GRM8: variants seen among roughly 807,000 people sequenced by gnomAD.
GRM8 encodes the protein glutamate metabotropic receptor 8, also known as metabotropic glutamate receptor 8.
GRM8 carries 47 observed loss-of-function variants against 87.2 expected under a neutral mutation model. That is an observed-to-expected ratio of 0.54 (90% CI 0.43 to 0.69). The LOEUF is 0.69. Ranked by LOEUF, GRM8 falls within the 30% of genes least tolerant of loss-of-function variation. GRM8 has a pLI of 0.00. For missense variants in GRM8, 1,019 were observed against 1,139.2 expected (o/e 0.89, Z 1.52); for synonymous variants, 396 against 404.5 (o/e 0.98, Z 0.25).
intron 1 of GRM8, among the ~76,000 whole-genome samples, chr7:127,243,723 G>A (rs1276595383): frequency 6.6e-6 from 1 of 152,144 alleles, no homozygotes; most frequent in African/African-American, 2.4e-5. Context: ...AAACAGAACA[G>A]TATCAGGAAG....
intron 3 of GRM8, among the ~76,000 whole-genome samples, chr7:127,052,541 T>C (rs2132504519): frequency 6.6e-6 from 1 of 152,362 alleles, no homozygotes; most frequent in South Asian, 2.1e-4. Flanking sequence ...AGACAAGCAG[T>C]GTAGGATTTA....
intron 2 of GRM8, among the ~76,000 whole-genome samples, chr7:127,155,213 C>T (rs1050490497): frequency 2.0e-5 from 3 of 152,164 alleles, no homozygotes; most frequent in Admixed American, 6.5e-5. Flanking sequence ...CCCACACTTA[C>T]TCACGAAGTG....
At chr7:126,601,738 A>C (rs1797795568) in intron 8 of GRM8, among the ~76,000 whole-genome samples, 3 of 147,832 alleles carry the variant, frequency 2.0e-5, no homozygotes, top group Admixed American at 1.4e-4. Flanking sequence ...TTCTTTTGAG[A>C]AGTGTCTGTT....
intron 7 of GRM8, among the ~76,000 whole-genome samples, chr7:126,727,331 T>C (rs1351545069): frequency 6.6e-6 from 1 of 152,048 alleles, no homozygotes; most frequent in Non-Finnish European, 1.5e-5. Context: ...GAAATCTGTA[T>C]ATATTTAGAA....
At chr7:127,147,185 G>T (rs1174897183) in intron 2 of GRM8, among the ~76,000 whole-genome samples, 4 of 151,990 alleles carry the variant, frequency 2.6e-5, no homozygotes, top group Admixed American at 2.6e-4. Context: ...TCCAATGAAT[G>T]AAAGTTGGGC....
intron 3 of GRM8, among the ~76,000 whole-genome samples, chr7:126,964,953 T>C (rs1320799850): frequency 1.3e-5 from 2 of 152,178 alleles, no homozygotes; most frequent in Non-Finnish European, 1.5e-5. Flanking sequence ...ATGTGGCACA[T>C]ATACACCATG....
chr7:126,912,046 A>C (rs1368373551), intron 3 of GRM8, among the ~76,000 whole-genome samples: 2 of 152,020 alleles, frequency 1.3e-5, no homozygotes, highest in African/African-American at 4.8e-5. Context: ...TACAAAAAAA[A>C]ATTAGCTGGG....
chr7:126,514,714 A>G (rs1010684558), intron 9 of GRM8, among the ~76,000 whole-genome samples: 5 of 152,030 alleles, frequency 3.3e-5, no homozygotes, highest in Admixed American at 2.6e-4. Flanking sequence ...AGAGATGAAT[A>G]AGAATATATA....
In GRM8 at chr7:126,963,440, C is replaced by T. The variant is rs17862249; in HGVS notation, c.728-58757G>A. On this transcript the variant is annotated intron_variant, in intron 3 of 10. Transcript: ENST00000339582. ...TTTAGAAAACCCCTTCGTCTCAGCT[C>T]GAAATCTCCTTAAGCTGATAAGCAG... Among the ~76,000 whole-genome samples the T allele has an allele frequency of 2.6e-5, 4 of 152,146 alleles. No homozygotes were observed. In the South Asian group the frequency reaches 6.2e-4, roughly 24 times the overall value.
At chr7:126,463,909 AT>A in intron 9 of GRM8, among the ~76,000 whole-genome samples, 1 of 151,802 alleles carries the variant, frequency 6.6e-6, no homozygotes. Context: ...ATTTGTCTTC[AT>A]TTAAATATAG....
At chr7:126,718,648 T>C (rs1812029454) in intron 7 of GRM8, among the ~76,000 whole-genome samples, 1 of 152,214 alleles carries the variant, frequency 6.6e-6, no homozygotes, top group Non-Finnish European at 1.5e-5. Flanking sequence ...TTGACTTGCA[T>C]CTCCAGCCCT....
At chr7:126,543,352 A>G (rs1816757824) in intron 8 of GRM8, among the ~76,000 whole-genome samples, 1 of 152,234 alleles carries the variant, frequency 6.6e-6, no homozygotes. Flanking sequence ...GTTTAAAAGA[A>G]TCCCTCCTTC....
intron 6 of GRM8, chr7:126,869,911 G>T (rs1398228711): frequency 1.5e-5 from 2 of 129,614 alleles, no homozygotes; most frequent in Non-Finnish European, 3.1e-5. Context: ...CTGAAGCCAG[G>T]TATTGACTTT....
At chr7:127,040,853 A>G (rs17867286) in intron 3 of GRM8, among the ~76,000 whole-genome samples, 2 of 152,208 alleles carry the variant, frequency 1.3e-5, no homozygotes, top group Admixed American at 1.3e-4. Context: ...GCTGTCTAAT[A>G]TGCTACATGA....
intron 6 of GRM8, among the ~76,000 whole-genome samples, chr7:126,836,898 A>G (rs547440147): frequency 6.6e-6 from 1 of 152,270 alleles, no homozygotes; most frequent in South Asian, 2.1e-4. Flanking sequence ...AATTAATGAA[A>G]TCCCAGTTCT....
intron 6 of GRM8, among the ~76,000 whole-genome samples, chr7:126,894,686 C>G (rs1001249652): frequency 6.6e-6 from 1 of 152,038 alleles, no homozygotes; most frequent in African/African-American, 2.4e-5. Flanking sequence ...AAAAAACATA[C>G]TGGCCCATAT....
At chr7:126,703,222 C>T (rs1309557717) in intron 7 of GRM8, among the ~76,000 whole-genome samples, 1 of 152,112 alleles carries the variant, frequency 6.6e-6, no homozygotes, top group Non-Finnish European at 1.5e-5. Context: ...GTAGTACTAG[C>T]AGGGGTGAGG....
chr7:126,643,972 G>A (rs575923522), intron 7 of GRM8, among the ~76,000 whole-genome samples: 1 of 152,236 alleles, frequency 6.6e-6, no homozygotes, highest in Non-Finnish European at 1.5e-5. Context: ...GAAGAGTCTA[G>A]TCAAATAAAA....
At chr7:126,901,331 T>G (rs1236358565) in intron 6 of GRM8, among the ~76,000 whole-genome samples, 1 of 152,174 alleles carries the variant, frequency 6.6e-6, no homozygotes, top group African/African-American at 2.4e-5. Flanking sequence ...ATACCCAGGT[T>G]AGTCTTTCAC....
Sources: allele counts gnomAD v4.1 joint callset (sites outside exome capture counted in the v4.1 genomes callset), GRCh38; gene constraint gnomAD v4.1.1; transcripts MANE v1.5; gene names NCBI Gene and HGNC (gene_info 2026-07-23, HGNC 2026-07-21).